LDB1: variants seen among roughly 807,000 people sequenced by gnomAD.
LDB1 encodes LIM domain-binding protein 1.
Under a neutral mutation model 49.7 loss-of-function variants are expected in LDB1, and 6 were observed. The observed-to-expected ratio is 0.12, with a 90% CI of 0.07 to 0.24. The LOEUF (loss-of-function observed/expected upper bound fraction) is 0.24, where lower values mean the gene tolerates loss of function less well. LDB1 is among the 10% of genes least tolerant of loss of function. LDB1 has a pLI of 1.00. For synonymous variants in LDB1, 233 were observed against 202.0 expected, an observed-to-expected ratio of 1.15 and a Z score of -1.30; for missense variants, 341 against 561.7, an observed-to-expected ratio of 0.61 and a Z score of 3.97.
In LDB1 at chr10:102,111,556, G is replaced by A; in HGVS notation, c.26-20C>T. On this transcript the variant is annotated intron_variant, in intron 1 of 10. Coordinates refer to ENST00000673968, the MANE Select transcript of LDB1 (RefSeq NM_001113407.3). ...AACAACCTAGACGAGAAAGAAAGGA[G>A]TCATAGCTGGGCGCGGTGGCTCACA... The A allele has an allele frequency of 6.8e-7, 1 of 1,462,258 alleles. No homozygotes were observed. 90.6% of individuals were successfully genotyped at this position (1,462,258 alleles called of 1,614,324 possible). A position where few individuals can be genotyped will look rare whatever the true frequency, so the allele number is the denominator to read the frequency against.
chr10:102,110,074 C>T (rs1485468594), intron 6 of LDB1, 31 bp from the exon 7 acceptor site: 2 of 1,602,746 alleles, frequency 1.2e-6, no homozygotes, highest in Non-Finnish European at 8.5e-7. Context: ...ACCCTGCCCC[C>T]TCCCCACATA....
rs768993389 is a variant in LDB1 at position 102,109,225 on chromosome 10, T to C, written c.857-48A>G. The C allele has an allele frequency of 1.9e-6, 3 of 1,611,342 alleles. No homozygotes were observed. Among genetic ancestry groups the C allele is most frequent in the South Asian group, 1.1e-5 (1 of 90,962 alleles). On this transcript the variant is annotated intron_variant, in intron 9 of 10. Transcript: ENST00000673968. This position sits in a 1 kb window ranked among gnomAD's most constrained non-coding sequence, Gnocchi z 5.8. The stretch of plus-strand genomic sequence containing the variant: ...AGATGGGAGAGGGCCCCAGGTCCCC[T>C]ATTCTCCATTGTGGCTCCCAAGGAG...
At chr10:102,114,587 G>C in intron 1 of LDB1, 1 of 985,370 alleles carries the variant, frequency 1.0e-6, no homozygotes. Flanking sequence ...CACTGCCTCG[G>C]CCCGCCCCGC....
chr10:102,114,050 G>A (rs542212965), intron 1 of LDB1, among the ~76,000 whole-genome samples: 1 of 152,376 alleles, frequency 6.6e-6, no homozygotes, highest in African/African-American at 2.4e-5. Context: ...GCAAGGTGGG[G>A]GGACGGAGGA....
chr10:102,104,850 C>G (rs1254088845), downstream of LDB1, among the ~76,000 whole-genome samples: 1 of 152,176 alleles, frequency 6.6e-6, no homozygotes, highest in Non-Finnish European at 1.5e-5. Context: ...TAACAACACA[C>G]CCTCATTTAC....
At chr10:102,111,400 G>A (rs1229352563) in intron 2 of LDB1, 34 bp downstream of exon 2, 6 of 1,593,692 alleles carry the variant, frequency 3.8e-6, no homozygotes, top group African/African-American at 1.3e-5. Context: ...CCCACCTGGA[G>A]AAGGGTTAGG....
At position 102,109,234 on chromosome 10, in the gene LDB1, T is replaced by A. The variant is rs193068362; in HGVS notation, c.857-57A>T. 1 of 1,610,634 alleles carries A rather than the reference T, an allele frequency of 6.2e-7. No homozygotes were observed. The highest frequency in any genetic ancestry group is 8.5e-7 in the Non-Finnish European group (1 of 1,178,880). ...AGGGCCCCAGGTCCCCTATTCTCCATTGTGGCTCCCAAGGAGCATGAGCCT... is the reference window on the plus strand; with the variant it reads ...AGGGCCCCAGGTCCCCTATTCTCCAATGTGGCTCCCAAGGAGCATGAGCCT... On this transcript the variant is annotated intron_variant, in intron 9 of 10. Coordinates refer to ENST00000673968, the MANE Select transcript of LDB1 (RefSeq NM_001113407.3). The surrounding 1 kb of genome is among the most constrained non-coding windows in gnomAD (Gnocchi z 5.8).
rs1353253496 is a variant in LDB1 at position 102,109,928 on chromosome 10, G to T, written c.641C>A (p.Ala214Asp). The T allele has an allele frequency of 1.9e-6, 3 of 1,609,094 alleles. No homozygotes were observed. Among genetic ancestry groups the T allele is most frequent in the Non-Finnish European group, 2.5e-6 (3 of 1,179,552 alleles). Residue 214 changes from alanine to aspartate, a missense_variant, in exon 7 of 11, where the codon GCC becomes GAC. Physicochemically the swap from Ala to Asp is moderately radical, Grantham distance 126. Coordinates refer to ENST00000673968, the MANE Select transcript of LDB1 (RefSeq NM_001113407.3). The surrounding 1 kb of genome is among the most constrained non-coding windows in gnomAD (Gnocchi z 5.8). ...HRELIPRSIL[A>D]MHAQDPQMLD... The stretch of plus-strand genomic sequence containing the variant: ...GTCCTGCCCACGACTCACATGCATG[G>T]CAAGGATGCTGCGGGGGATGAGCTC...
downstream of LDB1, among the ~76,000 whole-genome samples, chr10:102,105,232 A>G (rs2068146520): frequency 6.6e-6 from 1 of 152,020 alleles, no homozygotes; most frequent in Non-Finnish European, 1.5e-5. Context: ...AATGTCCTTC[A>G]GGCTGGCCAG....
Position 102,120,348 on chromosome 10 carries a change from G to A in LDB1, c.-238C>T. ...GCGGCCTCTGCGTGTGTGCGCGCGG[G>A]TGTGAGTCCGCGGAGTGTGTGTCCG... On this transcript the variant is annotated 5_prime_UTR_variant, in exon 1 of 11. Coordinates refer to ENST00000673968, the MANE Select transcript of LDB1 (RefSeq NM_001113407.3). 1.0e-6 allele frequency: 1 copy of A among 984,502 alleles called. No individual in the cohort carries two copies. The highest frequency in any genetic ancestry group is 1.2e-6 in the Non-Finnish European group (1 of 829,528). 61.0% of individuals were successfully genotyped at this position (984,502 alleles called of 1,614,324 possible). A position where few individuals can be genotyped will look rare whatever the true frequency, so the allele number is the denominator to read the frequency against.
intron 6 of LDB1, 150 bp downstream of exon 6, chr10:102,110,379 T>G: frequency 2.6e-6 from 2 of 760,548 alleles, no homozygotes. Context: ...AATACATGTT[T>G]GCTGACGGTT....
upstream of LDB1, chr10:102,120,519 A>C: frequency 1.5e-5 from 5 of 337,052 alleles, no homozygotes; most frequent in Non-Finnish European, 2.1e-5. Flanking sequence ...GGCTTTATTA[A>C]TATGCTAATT....
intron 1 of LDB1, 116 bp downstream of exon 1, chr10:102,119,970 C>G: frequency 2.6e-6 from 2 of 768,084 alleles, no homozygotes; most frequent in Non-Finnish European, 1.9e-6. Context: ...CCTTCCAGCC[C>G]CCGGCTTCCC....
At chr10:102,119,969 C>T (rs2068394545) in intron 1 of LDB1, 117 bp downstream of exon 1, 1 of 751,858 alleles carries the variant, frequency 1.3e-6, no homozygotes, top group Non-Finnish European at 2.0e-6. Context: ...CCCTTCCAGC[C>T]CCCGGCTTCC....
At chr10:102,108,694 G>C (rs1455051444) in intron 10 of LDB1, among the ~76,000 whole-genome samples, 1 of 152,158 alleles carries the variant, frequency 6.6e-6, no homozygotes, top group African/African-American at 2.4e-5. Flanking sequence ...ATGTATTCTG[G>C]ATCTGCAAAC....
At chr10:102,102,294 G>A (rs2068127977), downstream of LDB1, among the ~76,000 whole-genome samples, 1 of 152,228 alleles carries the variant, frequency 6.6e-6, no homozygotes, top group South Asian at 2.1e-4. Flanking sequence ...CATGAACCAA[G>A]GTTATGATTA....
rs1172261442 is a variant in LDB1 at position 102,109,364 on chromosome 10, A to C, written c.856+20T>G. On this transcript the variant is annotated intron_variant, in intron 9 of 10. Transcript: ENST00000673968. This position sits in a 1 kb window ranked among gnomAD's most constrained non-coding sequence, Gnocchi z 5.8. ...GGGAGCGGTGTGAGATCCTGGTAAG[A>C]GCAGGTGCAAGGCACTCACCAGGGG... 2 of 1,613,776 alleles carry C rather than the reference A, an allele frequency of 1.2e-6. No homozygotes were observed. The highest frequency in any genetic ancestry group is 4.5e-5 in the East Asian group (2 of 44,884).
chr10:102,106,020 T>TA (rs1203954738), downstream of LDB1, among the ~76,000 whole-genome samples: 1 of 151,996 alleles, frequency 6.6e-6, no homozygotes, highest in Non-Finnish European at 1.5e-5. Flanking sequence ...GCCAGGCTAG[T>TA]AGACTGGGGG....
chr10:102,102,378 T>G (rs2068128328), downstream of LDB1, among the ~76,000 whole-genome samples: 1 of 152,190 alleles, frequency 6.6e-6, no homozygotes, highest in Non-Finnish European at 1.5e-5. Context: ...CCAGGCAGCC[T>G]CAGTTGTTGG....
Sources: gnomAD v4.1 joint callset for allele counts (sites outside exome capture counted in the v4.1 genomes callset) on GRCh38, gnomAD v4.1.1 for gene constraint, Gnocchi (gnomAD v3.1) non-coding constraint, MANE v1.5 for transcripts, NCBI Gene and HGNC (gene_info 2026-07-23, HGNC 2026-07-21) for gene names.